NRG3: variants seen among roughly 807,000 people sequenced by gnomAD.
The protein encoded by NRG3 is pro-neuregulin-3, membrane-bound isoform.
NRG3 carries 31 observed loss-of-function variants against 66.9 expected under a neutral mutation model. The observed-to-expected ratio is 0.46, with a 90% CI of 0.35 to 0.63. The LOEUF is 0.63. Ranked by LOEUF, NRG3 falls within the 20% of genes least tolerant of loss-of-function variation. The pLI is 0.00. For missense variants in NRG3, 910 were observed against 878.9 expected, an observed-to-expected ratio of 1.04 and a Z score of -0.45; for synonymous variants, 393 against 359.4, an observed-to-expected ratio of 1.09 and a Z score of -1.06.
At chr10:82,695,120 G>A (rs896823293) in intron 2 of NRG3, among the ~76,000 whole-genome samples, 1 of 152,102 alleles carries the variant, frequency 6.6e-6, no homozygotes, top group Non-Finnish European at 1.5e-5. Context: ...CATTGGACAT[G>A]CAGTAAGAAT....
At chr10:82,722,460 C>T (rs1043877126) in intron 2 of NRG3, among the ~76,000 whole-genome samples, 1 of 152,282 alleles carries the variant, frequency 6.6e-6, no homozygotes, top group East Asian at 1.9e-4. Context: ...TTTATTAAAA[C>T]TATTTGATCC....
chr10:82,929,862 C>T (rs1289598063), intron 4 of NRG3, among the ~76,000 whole-genome samples: 1 of 140,516 alleles, frequency 7.1e-6, no homozygotes, highest in Admixed American at 7.6e-5. Context: ...GGAGACAGAC[C>T]GAGACTCCAT....
At chr10:81,945,701 C>T (rs185873127) in intron 1 of NRG3, among the ~76,000 whole-genome samples, 3 of 152,246 alleles carry the variant, frequency 2.0e-5, no homozygotes, top group Admixed American at 2.0e-4. Context: ...TACTAACTCC[C>T]AGCACCTCAG....
At chr10:82,236,738 CAG>C (rs1277889895) in intron 1 of NRG3, among the ~76,000 whole-genome samples, 96 of 99,862 alleles carry the variant, frequency 9.6e-4, no homozygotes, top group Middle Eastern at 0.013. Context: ...TTTTTTGAGA[CAG>C]AGTCTCGCTC....
chr10:82,684,980 T>TC (rs2054398766), intron 2 of NRG3, among the ~76,000 whole-genome samples: 2 of 152,148 alleles, frequency 1.3e-5, no homozygotes, highest in South Asian at 2.1e-4. Context: ...GGGAAAAATC[T>TC]TGATAGCAAT....
chr10:82,975,026 G>A (rs953344765), intron 7 of NRG3, among the ~76,000 whole-genome samples: 2 of 152,324 alleles, frequency 1.3e-5, no homozygotes, highest in East Asian at 3.9e-4. Flanking sequence ...AATATGGTAT[G>A]AGTCTATGTT....
At chr10:82,014,678 T>A (rs2061711234) in intron 1 of NRG3, among the ~76,000 whole-genome samples, 1 of 152,134 alleles carries the variant, frequency 6.6e-6, no homozygotes. Context: ...CACAAGTGTT[T>A]GAATGGGCTG....
At chr10:82,142,981 C>T (rs1449485664) in intron 1 of NRG3, among the ~76,000 whole-genome samples, 1 of 146,174 alleles carries the variant, frequency 6.8e-6, no homozygotes, top group Non-Finnish European at 1.5e-5. Context: ...ATTTCCCAGG[C>T]TGATCTGGAA....
chr10:82,831,249 C>T (rs2062504841), intron 3 of NRG3, among the ~76,000 whole-genome samples: 1 of 152,030 alleles, frequency 6.6e-6, no homozygotes. Context: ...AGCCCTGAGC[C>T]AGGGAACTCA....
chr10:82,726,383 G>A (rs2057600085), intron 2 of NRG3, among the ~76,000 whole-genome samples: 1 of 152,136 alleles, frequency 6.6e-6, no homozygotes. Flanking sequence ...CATGTCATGG[G>A]AGGGACCCAG....
At chr10:81,961,026 G>A (rs188916928) in intron 1 of NRG3, among the ~76,000 whole-genome samples, 1 of 152,168 alleles carries the variant, frequency 6.6e-6, no homozygotes, top group Admixed American at 6.5e-5. Context: ...CCTCATGTTT[G>A]GCTTACCTGC....
intron 2 of NRG3, among the ~76,000 whole-genome samples, chr10:82,722,370 G>A (rs1034492688): frequency 2.0e-5 from 3 of 152,124 alleles, no homozygotes; most frequent in African/African-American, 7.2e-5. Context: ...ATAATATTGA[G>A]CGATTCTTGG....
rs550606812 is a variant in NRG3 at position 82,366,615 on chromosome 10, C to A, written c.953+7747C>A. ...TAACGGGCCATAATTGTGTCAATAA[C>A]ATGAAATTGTTGTCGATTTTGCAAT... On this transcript the variant is annotated intron_variant, in intron 2 of 8. Coordinates refer to ENST00000372141, the MANE Select transcript of NRG3 (RefSeq NM_001010848.4). Among the ~76,000 whole-genome samples, 18 of 152,190 alleles carry A rather than the reference C, an allele frequency of 1.2e-4. No homozygotes were observed. In the East Asian group the frequency reaches 3.3e-3, roughly 28 times the overall value.
At chr10:82,276,901 A>G (rs2078879142) in intron 1 of NRG3, among the ~76,000 whole-genome samples, 1 of 152,038 alleles carries the variant, frequency 6.6e-6, no homozygotes, top group Non-Finnish European at 1.5e-5. Context: ...AAGATAGTAC[A>G]TTTCCTTCCT....
chr10:82,596,203 G>C (rs667151), intron 2 of NRG3, among the ~76,000 whole-genome samples: 12,829 of 152,164 alleles, frequency 0.084, 622 homozygotes, highest in East Asian at 0.15. Context: ...CAAAGACCCG[G>C]TAGCCGCTTC....
chr10:81,888,834 CAGA>C (rs1842807498), intron 1 of NRG3, among the ~76,000 whole-genome samples: 1 of 152,096 alleles, frequency 6.6e-6, no homozygotes, highest in Non-Finnish European at 1.5e-5. Flanking sequence ...GTGGTATTTT[CAGA>C]AGGTGCGAGG....
chr10:82,255,557 GT>G (rs1368112051), intron 1 of NRG3, among the ~76,000 whole-genome samples: 2 of 152,014 alleles, frequency 1.3e-5, no homozygotes, highest in Admixed American at 6.6e-5. Flanking sequence ...CTTCTGTACT[GT>G]TTTCTCAATT....
In NRG3 at chr10:81,992,541, TAATA is replaced by T; in HGVS notation, c.823+116384_823+116387del. On this transcript the variant is annotated intron_variant, in intron 1 of 8. Coordinates refer to ENST00000372141, the MANE Select transcript of NRG3 (RefSeq NM_001010848.4). ...CTTAAGCTCACAATGATGACTTTTA[TAATA>T]AATAATTTCTACCATAACAAATGAT... Among the ~76,000 whole-genome samples, 2 of 152,352 alleles carry T rather than the reference TAATA, an allele frequency of 1.3e-5. 1 individual carries two copies. Among genetic ancestry groups the T allele is most frequent in the South Asian group, 4.1e-4 (2 of 4,830 alleles).
intron 2 of NRG3, among the ~76,000 whole-genome samples, chr10:82,526,047 A>G (rs540162429): frequency 6.6e-6 from 1 of 152,136 alleles, no homozygotes; most frequent in African/African-American, 2.4e-5. Flanking sequence ...CAGTAAATTT[A>G]GTTGACTGGG....
Sources: gnomAD v4.1 joint callset for allele counts (sites outside exome capture counted in the v4.1 genomes callset) on GRCh38, gnomAD v4.1.1 for gene constraint, MANE v1.5 for transcripts, NCBI Gene and HGNC (gene_info 2026-07-23, HGNC 2026-07-21) for gene names.